The following ATCAY variants were observed in gnomAD, a reference collection of about 807,000 sequenced individuals.
ATCAY encodes caytaxin.
ATCAY carries 22 observed loss-of-function variants against 47.7 expected under a neutral mutation model. That is an observed-to-expected ratio of 0.46 (90% confidence interval 0.33 to 0.66). The LOEUF is 0.66. ATCAY is among the 30% of genes least tolerant of loss of function. The pLI, the probability that ATCAY is intolerant of heterozygous loss-of-function variation, is 0.02. For missense variants in ATCAY, 452 were observed against 515.0 expected, an observed-to-expected ratio of 0.88 and a Z score of 1.18; for synonymous variants, 216 against 207.6, an observed-to-expected ratio of 1.04 and a Z score of -0.35.
At chr19:3,903,445 G>C (rs1319777353) in intron 3 of ATCAY, among the ~76,000 whole-genome samples, 1 of 152,106 alleles carries the variant, frequency 6.6e-6, no homozygotes, top group Non-Finnish European at 1.5e-5. Context: ...GGGAGAGGTG[G>C]GGTCTGGGGA....
At chr19:3,913,056 G>A (rs1374454476) in intron 8 of ATCAY, among the ~76,000 whole-genome samples, 1 of 152,176 alleles carries the variant, frequency 6.6e-6, no homozygotes, top group Non-Finnish European at 1.5e-5. Flanking sequence ...GGGAGTTAGA[G>A]GCAGGCAGAT....
intron 9 of ATCAY, among the ~76,000 whole-genome samples, chr19:3,917,096 C>A (rs1256012237): frequency 1.3e-5 from 2 of 152,092 alleles, no homozygotes; most frequent in Non-Finnish European, 2.9e-5. Context: ...CGTGAGCCAC[C>A]GTGCTCAGCC....
intron 2 of ATCAY, among the ~76,000 whole-genome samples, chr19:3,899,594 C>G (rs1395974575): frequency 6.6e-6 from 1 of 152,146 alleles, no homozygotes; most frequent in East Asian, 1.9e-4. Context: ...GGATTACAGG[C>G]ATGAGCCACC....
At chr19:3,895,011 A>AT (rs548222254) in intron 2 of ATCAY, 1 of 389,780 alleles carries the variant, frequency 2.6e-6, no homozygotes, top group Non-Finnish European at 5.1e-6. Flanking sequence ...CACCCCACAG[A>AT]TTTTTTTCTC....
Position 3,907,908 on chromosome 19 carries a change from T to C in ATCAY, c.533T>C (p.Val178Ala), listed in dbSNP as rs755058816. Residue 178 changes from valine (V) to alanine (A), a missense_variant, in exon 5 of 13, where the codon GTC becomes GCC. Physicochemically the swap from Val to Ala is moderately conservative, Grantham distance 64 (BLOSUM62 0). Coordinates refer to ENST00000450849, the MANE Select transcript of ATCAY (RefSeq NM_033064.5). The surrounding 1 kb of genome is among the most constrained non-coding windows in gnomAD (Gnocchi z 5.1). ...LHMIRPYMKV[V>A]THGGYYGEGL... The stretch of plus-strand genomic sequence containing the variant: ...ATGATCCGGCCTTACATGAAAGTGG[T>C]CACCCACGGAGGTGAGACCCGCCCC... 1.2e-6 allele frequency: 2 copies of C among 1,613,606 alleles called. No individual in the cohort carries two copies. Among genetic ancestry groups the C allele is most frequent in the Admixed American group, 1.7e-5 (1 of 59,946 alleles).
rs772361307 is a variant in ATCAY, at chr19:3,905,498, G to A, written c.201G>A (p.Glu67=). ...AGAGGAAGACGCTGGTGGCCCCAGA[G>A]ATCAACATTTCTCTGGATCAGAGTG... is the stretch of plus-strand genomic sequence containing the variant. ...HRKRKTLVAP[E]INISLDQSEG... is the part of the protein sequence containing the mutation. The change falls in exon 4 of 13, where the codon GAG becomes GAA. Residue 67 remains glutamate (E), a synonymous_variant. Transcript: ENST00000450849. 3.8e-5 allele frequency: 61 copies of A among 1,613,876 alleles called. No individual in the cohort carries two copies. In the Admixed American group the frequency reaches 4.2e-4, roughly 11 times the overall value.
Position 3,907,929 on chromosome 19 carries a change from G to C in ATCAY, c.544+10G>C. 3.1e-6 allele frequency: 5 copies of C among 1,608,562 alleles called. No homozygotes were observed. The highest frequency in any genetic ancestry group is 4.2e-6 in the Non-Finnish European group (5 of 1,177,590). ...GTGGTCACCCACGGAGGTGAGACCC[G>C]CCCCCCGGTGCCCCCTTGGGGCTCC... On this transcript the variant is annotated intron_variant, in intron 5 of 12. Coordinates refer to ENST00000450849, the MANE Select transcript of ATCAY (RefSeq NM_033064.5). This position sits in a 1 kb window ranked among gnomAD's most constrained non-coding sequence, Gnocchi z 5.1.
At chr19:3,888,493 G>A (rs1394039281) in intron 2 of ATCAY, among the ~76,000 whole-genome samples, 1 of 151,984 alleles carries the variant, frequency 6.6e-6, no homozygotes, top group African/African-American at 2.4e-5. Flanking sequence ...AGTCGGGCGT[G>A]GTGGTGGGCA....
At chr19:3,916,702 G>C (rs1285551919) in intron 9 of ATCAY, among the ~76,000 whole-genome samples, 1 of 151,862 alleles carries the variant, frequency 6.6e-6, no homozygotes, top group Non-Finnish European at 1.5e-5. Context: ...CACCATGTTG[G>C]CCTGGCTGGT....
chr19:3,896,970 T>C (rs141907413), intron 2 of ATCAY, among the ~76,000 whole-genome samples: 3,133 of 151,366 alleles, frequency 0.021, 106 homozygotes, highest in African/African-American at 0.072. Flanking sequence ...AGAGACAGGG[T>C]TTTGCCATGC....
chr19:3,903,401 C>T (rs1472297409), intron 3 of ATCAY, among the ~76,000 whole-genome samples: 2 of 152,090 alleles, frequency 1.3e-5, no homozygotes, highest in South Asian at 2.1e-4. Flanking sequence ...AACGTGCCTC[C>T]GGAGGCAGGG....
rs769688062 is a variant in ATCAY at position 3,910,795 on chromosome 19, C to A, written c.780-8C>A. 1 of 1,614,018 alleles carries A rather than the reference C, an allele frequency of 6.2e-7. No homozygotes were observed. The highest frequency in any genetic ancestry group is 8.5e-7 in the Non-Finnish European group (1 of 1,179,894). ...AGCCCATCTTGCTTCCTTTGCGGCC[C>A]CACACAGGTTGCGGAAAAACCTGAA... On this transcript the variant is annotated splice_region_variant and splice_polypyrimidine_tract_variant and intron_variant, in intron 7 of 12. Transcript: ENST00000450849.
intron 10 of ATCAY, 67 bp downstream of exon 10, chr19:3,917,844 T>C: frequency 6.4e-7 from 1 of 1,559,682 alleles, no homozygotes; most frequent in Non-Finnish European, 8.7e-7. Context: ...AACTCTCAGT[T>C]AGGGCAACCC....
intron 2 of ATCAY, among the ~76,000 whole-genome samples, chr19:3,891,115 A>G (rs1372955159): frequency 6.7e-6 from 1 of 150,016 alleles, no homozygotes; most frequent in Middle Eastern, 3.2e-3. Context: ...GCAGTGGTGC[A>G]ACCTCAGCTC....
intron 2 of ATCAY, among the ~76,000 whole-genome samples, chr19:3,898,137 C>T (rs1443859295): frequency 6.6e-6 from 1 of 152,112 alleles, no homozygotes; most frequent in Non-Finnish European, 1.5e-5. Flanking sequence ...AGTGACCACA[C>T]ATCTACTTCC....
intron 3 of ATCAY, among the ~76,000 whole-genome samples, chr19:3,903,011 T>C (rs1347558444): frequency 6.6e-6 from 1 of 152,156 alleles, no homozygotes; most frequent in East Asian, 1.9e-4. Flanking sequence ...TCACACTCTG[T>C]CATCCAGGCT....
intron 4 of ATCAY, 40 bp downstream of exon 4, chr19:3,905,695 C>G (rs561062776): frequency 2.0e-6 from 3 of 1,537,382 alleles, no homozygotes; most frequent in Admixed American, 1.7e-5. Context: ...TGGAGCCCAC[C>G]CCCCCCACCC....
At chr19:3,895,192 T>C (rs1171453721) in intron 2 of ATCAY, 1 of 455,418 alleles carries the variant, frequency 2.2e-6, no homozygotes, top group East Asian at 7.0e-5. Flanking sequence ...GGCTGGAAAC[T>C]GTCAGGTAAG....
chr19:3,895,031 TCTCC>T, intron 2 of ATCAY: 1 of 420,906 alleles, frequency 2.4e-6, no homozygotes, highest in South Asian at 1.6e-5. Context: ...CTCTCTCTCC[TCTCC>T]TTTATTTCAT....
Sources: gnomAD v4.1 joint callset for allele counts (sites outside exome capture counted in the v4.1 genomes callset) on GRCh38, gnomAD v4.1.1 for gene constraint, Gnocchi (gnomAD v3.1) non-coding constraint, MANE v1.5 for transcripts, NCBI Gene and HGNC (gene_info 2026-07-23, HGNC 2026-07-21) for gene names.